EPHA3: variants seen among roughly 807,000 people sequenced by gnomAD.
The protein encoded by EPHA3 is EPH receptor A3, also known as ephrin type-A receptor 3.
Under a neutral mutation model 107.1 loss-of-function variants are expected in EPHA3, and 42 were observed. The observed-to-expected ratio is 0.39, with a 90% CI of 0.31 to 0.51. The LOEUF is 0.51. EPHA3 is among the 20% of genes least tolerant of loss of function. The pLI, the probability that EPHA3 is intolerant of heterozygous loss-of-function variation, is 0.78. For missense variants in EPHA3, 1,183 were observed against 1,211.2 expected (o/e 0.98, Z 0.35); for synonymous variants, 461 against 424.8 (o/e 1.09, Z -1.05).
intron 5 of EPHA3, among the ~76,000 whole-genome samples, chr3:89,362,301 T>C (rs1236706589): frequency 6.6e-6 from 1 of 151,072 alleles, no homozygotes; most frequent in Non-Finnish European, 1.5e-5. Context: ...CATTTTCCTT[T>C]TGTCCTTCAA....
At chr3:89,227,659 G>A (rs541663289) in intron 3 of EPHA3, among the ~76,000 whole-genome samples, 2 of 152,010 alleles carry the variant, frequency 1.3e-5, no homozygotes, top group East Asian at 3.9e-4. Context: ...AGGTACTGGA[G>A]GGTGATTGAT....
intron 10 of EPHA3, 39 bp downstream of exon 10, chr3:89,413,305 G>A (rs367837591): frequency 1.0e-4 from 164 of 1,609,518 alleles, no homozygotes; most frequent in Non-Finnish European, 1.3e-4. Context: ...AGTACTGTAT[G>A]TGAATCACGA....
At chr3:89,183,875 G>A (rs1028726043) in intron 2 of EPHA3, among the ~76,000 whole-genome samples, 4 of 151,840 alleles carry the variant, frequency 2.6e-5, no homozygotes, top group Non-Finnish European at 4.4e-5. Flanking sequence ...ACTTGTAATT[G>A]TAAAAGTCTG....
chr3:89,393,630 C>T (rs1287387854), intron 5 of EPHA3, among the ~76,000 whole-genome samples: 3 of 152,040 alleles, frequency 2.0e-5, no homozygotes, highest in South Asian at 2.1e-4. Context: ...AATGTGACTC[C>T]GTTAATGGAC....
intron 15 of EPHA3, 46 bp from the exon 16 acceptor site, chr3:89,472,418 C>A (rs768093137): frequency 6.3e-7 from 1 of 1,588,674 alleles, no homozygotes; most frequent in Admixed American, 1.7e-5. Context: ...CACAGCAACT[C>A]TGCTGACTCC....
intron 3 of EPHA3, among the ~76,000 whole-genome samples, chr3:89,315,028 A>G (rs1434533525): frequency 6.6e-6 from 1 of 151,866 alleles, no homozygotes; most frequent in Non-Finnish European, 1.5e-5. Flanking sequence ...GGAAATAATA[A>G]CACACTGGTA....
chr3:89,227,354 G>A (rs1239408478), intron 3 of EPHA3, among the ~76,000 whole-genome samples: 4 of 151,932 alleles, frequency 2.6e-5, no homozygotes, highest in Admixed American at 6.6e-5. Flanking sequence ...GACTTCAGAC[G>A]TGGGATGTAG....
At chr3:89,384,072 G>A (rs1207967393) in intron 5 of EPHA3, among the ~76,000 whole-genome samples, 2 of 151,980 alleles carry the variant, frequency 1.3e-5, no homozygotes. Context: ...GATCTTTGGA[G>A]CCATCTATAC....
chr3:89,322,543 G>C (rs1707068455), intron 3 of EPHA3, among the ~76,000 whole-genome samples: 1 of 152,070 alleles, frequency 6.6e-6, no homozygotes, highest in South Asian at 2.1e-4. Flanking sequence ...GTAAATGAAG[G>C]CTCCTTCCAA....
At chr3:89,386,703 G>T (rs1028751907) in intron 5 of EPHA3, among the ~76,000 whole-genome samples, 1 of 152,212 alleles carries the variant, frequency 6.6e-6, no homozygotes, top group Non-Finnish European at 1.5e-5. Flanking sequence ...GACAGCTTGC[G>T]TTGGATGCAC....
chr3:89,178,247 AATAG>A (rs1396715352), intron 2 of EPHA3, among the ~76,000 whole-genome samples: 3 of 35,456 alleles, frequency 8.5e-5, no homozygotes, highest in Non-Finnish European at 9.6e-5. Flanking sequence ...ATATGTAGCC[AATAG>A]ATAGATAGAT....
chr3:89,168,651 ATAAT>A (rs1228047933), intron 2 of EPHA3, among the ~76,000 whole-genome samples: 5 of 152,054 alleles, frequency 3.3e-5, no homozygotes, highest in Admixed American at 6.5e-5. Context: ...AATAATACAG[ATAAT>A]TAAACACAAT....
chr3:89,472,755 GA>G, intron 16 of EPHA3, 136 bp downstream of exon 16: 1 of 984,166 alleles, frequency 1.0e-6, no homozygotes, highest in Non-Finnish European at 1.5e-6. Flanking sequence ...CTACCGCCTG[GA>G]ACTGCTAATC....
At chr3:89,202,438 C>T (rs1400142449) in intron 2 of EPHA3, among the ~76,000 whole-genome samples, 3 of 149,588 alleles carry the variant, frequency 2.0e-5, no homozygotes, top group African/African-American at 7.4e-5. Context: ...ATCACTTGAA[C>T]CCAGGACGTG....
At chr3:89,298,273 C>T (rs1288929433) in intron 3 of EPHA3, among the ~76,000 whole-genome samples, 1 of 152,140 alleles carries the variant, frequency 6.6e-6, no homozygotes, top group Non-Finnish European at 1.5e-5. Context: ...CTTTCTCTCT[C>T]TCTGTGCAGC....
chr3:89,448,846 G>A (rs1353573642), intron 13 of EPHA3, among the ~76,000 whole-genome samples: 1 of 151,926 alleles, frequency 6.6e-6, no homozygotes, highest in Non-Finnish European at 1.5e-5. Flanking sequence ...CATAAATCTA[G>A]GTTAAATCAA....
chr3:89,273,042 C>A (rs577578769), intron 3 of EPHA3, among the ~76,000 whole-genome samples: 5 of 151,964 alleles, frequency 3.3e-5, no homozygotes, highest in Middle Eastern at 3.4e-3. Flanking sequence ...AAGCAAGTAG[C>A]TTGTAGGCCA....
At chr3:89,230,154 A>G (rs544704260) in intron 3 of EPHA3, among the ~76,000 whole-genome samples, 1 of 152,210 alleles carries the variant, frequency 6.6e-6, no homozygotes, top group Admixed American at 6.6e-5. Flanking sequence ...AAGTAAACTC[A>G]CCAAGGTCAT....
intron 3 of EPHA3, among the ~76,000 whole-genome samples, chr3:89,265,158 A>G (rs1705508099): frequency 2.6e-5 from 4 of 152,118 alleles, no homozygotes; most frequent in Admixed American, 6.5e-5. Context: ...TATTATCATC[A>G]TTTTCTACTG....
Sources: allele counts gnomAD v4.1 joint callset (sites outside exome capture counted in the v4.1 genomes callset), GRCh38; gene constraint gnomAD v4.1.1; transcripts MANE v1.5; gene names NCBI Gene and HGNC (gene_info 2026-07-23, HGNC 2026-07-21).